The following MPDZ variants were observed in gnomAD, a reference collection of about 807,000 sequenced individuals.
MPDZ encodes multiple PDZ domain protein.
A neutral mutation model predicts 239.1 loss-of-function variants in MPDZ; 234 were observed. The ratio of observed to expected loss-of-function variants is 0.98; its 90% CI spans 0.88 to 1.09. The LOEUF (loss-of-function observed/expected upper bound fraction) is 1.09. MPDZ is among the 50% of genes least tolerant of loss of function. The pLI, the probability that MPDZ is intolerant of heterozygous loss-of-function variation, is 0.00. For synonymous variants in MPDZ, 1,048 were observed against 881.3 expected (o/e 1.19, Z -3.35); for missense variants, 3,175 against 2,510.0 (o/e 1.26, Z -5.66).
intron 3 of MPDZ, among the ~76,000 whole-genome samples, chr9:13,238,598 A>G (rs1485743495): frequency 6.6e-6 from 1 of 152,136 alleles, no homozygotes; most frequent in African/African-American, 2.4e-5. Context: ...GTGCAAGATG[A>G]CGAACCTTGT....
intron 32 of MPDZ, among the ~76,000 whole-genome samples, chr9:13,133,021 C>G (rs916316761): frequency 6.6e-6 from 1 of 152,040 alleles, no homozygotes; most frequent in East Asian, 1.9e-4. Context: ...TAATTTTGGA[C>G]TTTTCTAAAG....
intron 1 of MPDZ, among the ~76,000 whole-genome samples, chr9:13,255,241 G>A (rs897135805): frequency 7.2e-5 from 11 of 152,112 alleles, no homozygotes; most frequent in African/African-American, 2.4e-5. Context: ...GACTCCATTT[G>A]AAATTCTAGT....
Position 13,108,949 on chromosome 9 carries a change from G to A in MPDZ, c.6053C>T (p.Thr2018Ile), listed in dbSNP as rs750045780. 9.3e-6 allele frequency: 15 copies of A among 1,610,648 alleles called. No homozygotes were observed. The highest frequency in any genetic ancestry group is 1.3e-5 in the Non-Finnish European group (15 of 1,178,082). Reference protein sequence around the residue: ...PHGDLPIYVKTVFAKGAASED... With the variant: ...PHGDLPIYVKIVFAKGAASED... ...TTGCAAGCTTACCTTTGCAAACACT[G>A]TTTTAACATAAATGGGTAAGTCTCC... Residue 2018 changes from threonine to isoleucine, a missense_variant, in exon 46 of 47, where the codon ACA becomes ATA. Coordinates refer to ENST00000319217, the MANE Select transcript of MPDZ (RefSeq NM_001378778.1).
At chr9:13,247,559 C>A in intron 3 of MPDZ, 76 bp downstream of exon 3, 4 of 1,486,854 alleles carry the variant, frequency 2.7e-6, no homozygotes, top group Non-Finnish European at 3.7e-6. Flanking sequence ...GAAAAATCAG[C>A]CTTTCAGAAA....
intron 1 of MPDZ, among the ~76,000 whole-genome samples, chr9:13,251,119 A>T (rs1242746065): frequency 8.2e-6 from 1 of 121,638 alleles, no homozygotes; most frequent in Non-Finnish European, 1.6e-5. Context: ...ACAGAACAAG[A>T]CTCCATCTCA....
chr9:13,212,061 T>C lies in MPDZ; in HGVS notation c.1290+4713A>G, dbSNP rs567897303. Among the ~76,000 whole-genome samples, 4 of 152,216 alleles carry C rather than the reference T, an allele frequency of 2.6e-5. No individual in the cohort carries two copies. The East Asian group carries it at 7.7e-4, about 29-fold the overall frequency. On this transcript the variant is annotated intron_variant, in intron 10 of 46. Transcript: ENST00000319217. ...AAAATGCATAGAACTTTAGGCTGTT[T>C]TTTATCTGCAAAACATTCTTATTGT...
At chr9:13,123,991 C>A (rs1011448936) in intron 35 of MPDZ, among the ~76,000 whole-genome samples, 7 of 152,150 alleles carry the variant, frequency 4.6e-5, no homozygotes, top group Non-Finnish European at 1.0e-4. Flanking sequence ...TAATTTCACA[C>A]ATTATTTTAT....
chr9:13,181,516 A>G (rs1953326083), intron 19 of MPDZ, among the ~76,000 whole-genome samples: 1 of 152,204 alleles, frequency 6.6e-6, no homozygotes, highest in South Asian at 2.1e-4. Flanking sequence ...AACTAAAAGC[A>G]CACAGGAGTT....
intron 18 of MPDZ, 119 bp from the exon 19 acceptor site, chr9:13,183,704 T>C (rs764848733): frequency 8.0e-5 from 76 of 947,706 alleles, no homozygotes; most frequent in South Asian, 4.1e-4. Flanking sequence ...GTATTTTCTA[T>C]ATGCCCTCTT....
Position 13,162,640 on chromosome 9 carries a change from C to T in MPDZ, c.3359+51G>A, listed in dbSNP as rs574235748. On this transcript the variant is annotated intron_variant, in intron 23 of 46. Coordinates refer to ENST00000319217, the MANE Select transcript of MPDZ (RefSeq NM_001378778.1). ...CCTCCCTGACTCTGAATTCCAAATT[C>T]TCTACAACTTGCTGTACCATTCATT... is the stretch of plus-strand genomic sequence containing the variant. The T allele has an allele frequency of 9.7e-6, 12 of 1,236,066 alleles. No individual in the cohort carries two copies. The East Asian group carries it at 2.7e-4, about 28-fold the overall frequency. The allele number at this position is 1,236,066 out of a possible 1,614,324, so 76.6% of individuals were successfully genotyped here. A position where few individuals can be genotyped will look rare whatever the true frequency, so the allele number is the denominator to read the frequency against.
chr9:13,190,765 C>T (rs1031576547), intron 15 of MPDZ, among the ~76,000 whole-genome samples: 2 of 152,074 alleles, frequency 1.3e-5, no homozygotes, highest in African/African-American at 2.4e-5. Flanking sequence ...ATGGTTATTT[C>T]ATTAACAAAT....
intron 39 of MPDZ, among the ~76,000 whole-genome samples, chr9:13,117,642 A>T (rs2131421197): frequency 6.6e-6 from 1 of 152,214 alleles, no homozygotes; most frequent in Non-Finnish European, 1.5e-5. Context: ...CATTGCTTCC[A>T]ATTTTCCCAC....
chr9:13,245,895 AT>A lies in MPDZ; in HGVS notation c.183+1739del, dbSNP rs201970497. Reference sequence around the variant, plus strand: ...ATGCACAAATAACTATTCCTTTTACATTAAGACTGTCTACAACGGAAATTTC... The same window carrying A: ...ATGCACAAATAACTATTCCTTTTACATAAGACTGTCTACAACGGAAATTTC... On this transcript the variant is annotated intron_variant, in intron 3 of 46. Transcript: ENST00000319217. Among the ~76,000 whole-genome samples, 729 of 152,288 alleles carry A rather than the reference AT, an allele frequency of 4.8e-3. 5 individuals are homozygous for A. Among genetic ancestry groups the A allele is most frequent in the African/African-American group, 0.016 (647 of 41,570 alleles).
chr9:13,229,846 G>A (rs1398499762), intron 3 of MPDZ, among the ~76,000 whole-genome samples: 1 of 151,976 alleles, frequency 6.6e-6, no homozygotes, highest in Non-Finnish European at 1.5e-5. Context: ...GTAGGAGTAG[G>A]GTAAATAAAG....
At chr9:13,274,682 C>A (rs1973767971) in intron 1 of MPDZ, 2 of 150,834 alleles carry the variant, frequency 1.3e-5, no homozygotes, top group Admixed American at 1.3e-4. Flanking sequence ...CATATTTTCC[C>A]AAAAGGGGGA....
intron 6 of MPDZ, 58 bp from the exon 7 acceptor site, chr9:13,221,558 AT>A: frequency 6.4e-7 from 1 of 1,551,392 alleles, no homozygotes; most frequent in South Asian, 1.3e-5. Flanking sequence ...ACCATTTTAC[AT>A]TACAGTAGAA....
At chr9:13,171,809 A>G (rs1371460666) in intron 21 of MPDZ, among the ~76,000 whole-genome samples, 2 of 152,190 alleles carry the variant, frequency 1.3e-5, no homozygotes, top group East Asian at 1.9e-4. Context: ...ATCACTAGAC[A>G]AAGAAAAAAT....
At chr9:13,212,854 T>C (rs1288835057) in intron 10 of MPDZ, among the ~76,000 whole-genome samples, 1 of 148,096 alleles carries the variant, frequency 6.8e-6, no homozygotes, top group African/African-American at 2.5e-5. Flanking sequence ...CTGCAGACAC[T>C]GCAATTAACA....
intron 22 of MPDZ, among the ~76,000 whole-genome samples, chr9:13,163,656 C>G (rs557331131): frequency 3.3e-5 from 5 of 152,104 alleles, no homozygotes; most frequent in African/African-American, 9.7e-5. Flanking sequence ...AAGAGAAATA[C>G]TGTATCTGAA....
Sources: allele counts gnomAD v4.1 joint callset (sites outside exome capture counted in the v4.1 genomes callset), GRCh38; gene constraint gnomAD v4.1.1; transcripts MANE v1.5; gene names NCBI Gene and HGNC (gene_info 2026-07-23, HGNC 2026-07-21).